Variants in GRM7 observed in about 807,000 individuals in gnomAD.
The protein encoded by GRM7 is glutamate metabotropic receptor 7.
GRM7 carries 35 observed loss-of-function variants against 84.5 expected under a neutral mutation model. That is an observed-to-expected ratio of 0.41 (90% confidence interval 0.32 to 0.55). The LOEUF (loss-of-function observed/expected upper bound fraction) is 0.55. Ranked by LOEUF, GRM7 falls within the 20% of genes least tolerant of loss-of-function variation. GRM7 has a pLI of 0.19. For synonymous variants in GRM7, 487 were observed against 455.1 expected, an observed-to-expected ratio of 1.07 and a Z score of -0.89; for missense variants, 1,003 against 1,194.6, an observed-to-expected ratio of 0.84 and a Z score of 2.36.
At chr3:7,599,325 C>A (rs1436423529) in intron 8 of GRM7, among the ~76,000 whole-genome samples, 2 of 152,046 alleles carry the variant, frequency 1.3e-5, no homozygotes, top group Non-Finnish European at 2.9e-5. Flanking sequence ...TGTTTCTTTT[C>A]TTTTCATAAA....
intron 2 of GRM7, among the ~76,000 whole-genome samples, chr3:7,200,374 T>A (rs1696024184): frequency 6.6e-6 from 1 of 152,212 alleles, no homozygotes; most frequent in Non-Finnish European, 1.5e-5. Flanking sequence ...TGTTTTTACT[T>A]TCATGAAAGT....
At chr3:7,678,928 T>C (rs1700247897) in intron 8 of GRM7, among the ~76,000 whole-genome samples, 1 of 131,182 alleles carries the variant, frequency 7.6e-6, no homozygotes, top group African/African-American at 2.9e-5. Flanking sequence ...ATCCATTGTA[T>C]GTTTATCAAG....
In GRM7 at chr3:7,199,895, A is replaced by C. The variant is rs541727715; in HGVS notation, c.736+53227A>C. Reference sequence around the variant, plus strand: ...CATGCCAGACCTTCTGTCTTGGTCCATTTTGTGTTGCTATAATGAAATACT... The same window carrying C: ...CATGCCAGACCTTCTGTCTTGGTCCCTTTTGTGTTGCTATAATGAAATACT... On this transcript the variant is annotated intron_variant, in intron 2 of 9. Transcript: ENST00000357716. Among the ~76,000 whole-genome samples, 3 of 152,270 alleles carry C rather than the reference A, an allele frequency of 2.0e-5. No homozygotes were observed. In the South Asian group the frequency reaches 6.2e-4, roughly 32 times the overall value.
intron 2 of GRM7, among the ~76,000 whole-genome samples, chr3:7,206,802 CT>C (rs1210790481): frequency 6.6e-6 from 1 of 152,184 alleles, no homozygotes; most frequent in Non-Finnish European, 1.5e-5. Context: ...TGTGAAGCCA[CT>C]TCAGCCTTCC....
At chr3:7,701,196 C>T (rs138561090) in intron 9 of GRM7, among the ~76,000 whole-genome samples, 1 of 152,224 alleles carries the variant, frequency 6.6e-6, no homozygotes, top group East Asian at 1.9e-4. Flanking sequence ...GCAGGCTGCC[C>T]AGTCTGTCTC....
intron 7 of GRM7, among the ~76,000 whole-genome samples, chr3:7,556,689 C>T (rs770110568): frequency 6.6e-6 from 1 of 152,156 alleles, no homozygotes; most frequent in Non-Finnish European, 1.5e-5. Flanking sequence ...CTAATGTTCT[C>T]TCATGTACAG....
At chr3:7,676,218 G>C (rs764484365) in intron 8 of GRM7, among the ~76,000 whole-genome samples, 13 of 152,216 alleles carry the variant, frequency 8.5e-5, no homozygotes, top group Non-Finnish European at 1.8e-4. Flanking sequence ...AAAGAAGATG[G>C]TGGGGTGAAA....
At chr3:7,349,878 T>C (rs1693058229) in intron 4 of GRM7, among the ~76,000 whole-genome samples, 1 of 151,706 alleles carries the variant, frequency 6.6e-6, no homozygotes. Context: ...ATTCCTCCTC[T>C]TTTTTTTCTT....
At position 7,252,782 on chromosome 3, in the gene GRM7, G is replaced by A. The variant is rs568238119; in HGVS notation, c.737-45902G>A. On this transcript the variant is annotated intron_variant, in intron 2 of 9. Transcript: ENST00000357716. ...CGGCTCACTGCAACCTCTGCCTCCC[G>A]GGTTCAACTGATTTTCCTGCCTCAG... 1.8e-3 allele frequency among the ~76,000 whole-genome samples: 270 copies of A among 148,828 alleles called. 2 individuals are homozygous for A. Among genetic ancestry groups the A allele is most frequent in the African/African-American group, 6.1e-3 (247 of 40,362 alleles).
rs536697035 is a variant in GRM7 at position 7,633,774 on chromosome 3, T to C, written c.2452-46275T>C. Among the ~76,000 whole-genome samples, 5 of 152,330 alleles carry C rather than the reference T, an allele frequency of 3.3e-5. 1 individual carries two copies. The highest frequency in any genetic ancestry group is 1.2e-4 in the African/African-American group (5 of 41,572). ...TTACCGTTAATTTCTTTGTATGTAA[T>C]GTCTGATTTGTCAACAAATCAGACC... On this transcript the variant is annotated intron_variant, in intron 8 of 9. Transcript: ENST00000357716.
chr3:7,223,293 A>AT (rs924961254), intron 2 of GRM7, among the ~76,000 whole-genome samples: 106 of 151,518 alleles, frequency 7.0e-4, no homozygotes, highest in African/African-American at 2.4e-3. Context: ...ATTTGATTGT[A>AT]TTTTTTTTGT....
At chr3:7,231,706 C>T (rs1697201065) in intron 2 of GRM7, among the ~76,000 whole-genome samples, 1 of 152,120 alleles carries the variant, frequency 6.6e-6, no homozygotes, top group Admixed American at 6.5e-5. Context: ...GATAAGATTG[C>T]CCATAAATGT....
At chr3:7,328,390 AG>A (rs1417818309) in intron 4 of GRM7, among the ~76,000 whole-genome samples, 26 of 152,276 alleles carry the variant, frequency 1.7e-4, no homozygotes, top group Admixed American at 1.4e-3. Flanking sequence ...CTTCACTGCT[AG>A]GTACTTAACA....
intron 7 of GRM7, among the ~76,000 whole-genome samples, chr3:7,527,232 A>G (rs1234067052): frequency 6.6e-6 from 1 of 151,908 alleles, no homozygotes; most frequent in African/African-American, 2.4e-5. Flanking sequence ...CTTTCTAGAG[A>G]TCTTTCACCC....
intron 8 of GRM7, among the ~76,000 whole-genome samples, chr3:7,638,211 A>C (rs1417942384): frequency 6.6e-6 from 1 of 151,680 alleles, no homozygotes; most frequent in Non-Finnish European, 1.5e-5. Context: ...GCAAAGATTA[A>C]TCTGTCTTTG....
chr3:7,606,858 A>G (rs960908111), intron 8 of GRM7: 6 of 152,190 alleles, frequency 3.9e-5, no homozygotes, highest in Non-Finnish European at 1.5e-5. Context: ...AATCAAGGAC[A>G]TAATGATGTC....
chr3:6,894,419 T>G (rs1696093731), intron 1 of GRM7, among the ~76,000 whole-genome samples: 1 of 152,074 alleles, frequency 6.6e-6, no homozygotes, highest in Non-Finnish European at 1.5e-5. Flanking sequence ...ATTCTTTAGG[T>G]GATATTATAT....
chr3:7,523,578 A>G (rs531947545), intron 7 of GRM7, among the ~76,000 whole-genome samples: 2 of 152,294 alleles, frequency 1.3e-5, no homozygotes, highest in South Asian at 2.1e-4. Context: ...TAAGGTATGC[A>G]TCATTTAAAT....
intron 4 of GRM7, among the ~76,000 whole-genome samples, chr3:7,396,639 T>C (rs960757399): frequency 6.6e-6 from 1 of 152,110 alleles, no homozygotes; most frequent in Non-Finnish European, 1.5e-5. Context: ...ACTGGAAATG[T>C]AGTTATTTAA....
Sources: allele counts gnomAD v4.1 joint callset (sites outside exome capture counted in the v4.1 genomes callset), GRCh38; gene constraint gnomAD v4.1.1; transcripts MANE v1.5; gene names NCBI Gene and HGNC (gene_info 2026-07-23, HGNC 2026-07-21).